PSD3: variants seen among roughly 807,000 people sequenced by gnomAD.
The protein encoded by PSD3 is pleckstrin and Sec7 domain containing 3, also known as PH and SEC7 domain-containing protein 3.
PSD3 carries 49 observed loss-of-function variants against 105.5 expected under a neutral mutation model. The ratio of observed to expected loss-of-function variants is 0.46; its 90% CI spans 0.37 to 0.59. The LOEUF (loss-of-function observed/expected upper bound fraction) is 0.59, where lower values mean the gene tolerates loss of function less well. Among genes scored for constraint, PSD3 ranks in the 20% least tolerant of loss-of-function variants. PSD3 has a pLI of 0.00. For missense variants in PSD3, 1,561 were observed against 1,263.8 expected, an observed-to-expected ratio of 1.24 and a Z score of -3.57; for synonymous variants, 557 against 457.8, an observed-to-expected ratio of 1.22 and a Z score of -2.77.
At chr8:18,721,381 T>A (rs1244431877) in intron 9 of PSD3, among the ~76,000 whole-genome samples, 2 of 152,116 alleles carry the variant, frequency 1.3e-5, no homozygotes, top group African/African-American at 2.4e-5. Flanking sequence ...ACTAACTGTA[T>A]CCCAAGTAAC....
chr8:19,049,418 A>T (rs1258286995), intron 1 of PSD3, among the ~76,000 whole-genome samples: 1 of 152,204 alleles, frequency 6.6e-6, no homozygotes, highest in Non-Finnish European at 1.5e-5. Context: ...TGCCAGGCAC[A>T]GTGGCCCACA....
At chr8:18,762,897 T>C (rs932734559) in intron 9 of PSD3, 4 of 1,258,824 alleles carry the variant, frequency 3.2e-6, no homozygotes, top group East Asian at 5.7e-5. Flanking sequence ...ATTTGGCTTA[T>C]ACTTTTATTT....
intron 7 of PSD3, among the ~76,000 whole-genome samples, chr8:18,799,875 G>C (rs570476102): frequency 9.0e-4 from 137 of 152,254 alleles, no homozygotes; most frequent in African/African-American, 3.2e-3. Flanking sequence ...AAGTACAGTA[G>C]ACAATAGCAG....
chr8:18,670,598 C>G (rs1653266917), intron 9 of PSD3, among the ~76,000 whole-genome samples: 1 of 152,050 alleles, frequency 6.6e-6, no homozygotes, highest in South Asian at 2.1e-4. Context: ...TCACATACCT[C>G]AAGCACAAAT....
intron 4 of PSD3, among the ~76,000 whole-genome samples, chr8:18,828,070 T>A (rs867710728): frequency 0.032 from 4,504 of 142,900 alleles, 76 homozygotes; most frequent in Admixed American, 0.05. Context: ...TATATATATT[T>A]TTTTTTTTTT....
chr8:18,552,167 G>A (rs1346804348), intron 15 of PSD3, among the ~76,000 whole-genome samples: 4 of 152,136 alleles, frequency 2.6e-5, no homozygotes, highest in Non-Finnish European at 5.9e-5. Flanking sequence ...TGACCTGAAA[G>A]CCAGCTATTA....
intron 8 of PSD3, among the ~76,000 whole-genome samples, chr8:18,791,307 C>T (rs1360271606): frequency 1.3e-5 from 2 of 152,086 alleles, no homozygotes; most frequent in African/African-American, 4.8e-5. Flanking sequence ...CTGGAGGCAT[C>T]GTGCTGTCTG....
At chr8:18,545,752 C>T (rs1025764972) in intron 15 of PSD3, among the ~76,000 whole-genome samples, 3 of 152,110 alleles carry the variant, frequency 2.0e-5, no homozygotes, top group Admixed American at 6.5e-5. Context: ...TGGAATTCCC[C>T]GAAGTCATAC....
intron 1 of PSD3, among the ~76,000 whole-genome samples, chr8:18,981,569 G>C (rs1377107474): frequency 6.6e-6 from 1 of 152,136 alleles, no homozygotes; most frequent in Non-Finnish European, 1.5e-5. Context: ...TGTATATACA[G>C]GCATACTCTG....
intron 9 of PSD3, chr8:18,733,292 A>G (rs1392621289): frequency 2.0e-5 from 3 of 152,242 alleles, no homozygotes; most frequent in Non-Finnish European, 2.9e-5. Flanking sequence ...TCATAATTGT[A>G]TAAGTTCAAT....
chr8:18,779,312 G>A (rs1198143036), intron 8 of PSD3, among the ~76,000 whole-genome samples: 1 of 151,344 alleles, frequency 6.6e-6, no homozygotes. Context: ...TTTTTGGTTG[G>A]GATTTTATTT....
chr8:18,885,665 T>C (rs1478006654), intron 2 of PSD3, among the ~76,000 whole-genome samples: 1 of 152,092 alleles, frequency 6.6e-6, no homozygotes, highest in Non-Finnish European at 1.5e-5. Flanking sequence ...CAGCCAGTAG[T>C]TTTCATGCTC....
chr8:18,732,692 T>C (rs1027551221), intron 9 of PSD3, among the ~76,000 whole-genome samples: 2 of 152,224 alleles, frequency 1.3e-5, no homozygotes, highest in Non-Finnish European at 2.9e-5. Flanking sequence ...CAGCACCACT[T>C]CTGCCACATT....
At chr8:18,679,414 G>C (rs1800258329) in intron 9 of PSD3, among the ~76,000 whole-genome samples, 1 of 152,202 alleles carries the variant, frequency 6.6e-6, no homozygotes, top group African/African-American at 2.4e-5. Flanking sequence ...TAGCAGAGCA[G>C]AGGTTTGGAG....
At chr8:18,538,917 G>C (rs1799987323) in intron 15 of PSD3, among the ~76,000 whole-genome samples, 1 of 152,152 alleles carries the variant, frequency 6.6e-6, no homozygotes, top group East Asian at 1.9e-4. Context: ...AGAAAAAAGG[G>C]GGTGAGAGGG....
chr8:18,815,600 T>C (rs1812150599), intron 4 of PSD3, among the ~76,000 whole-genome samples: 1 of 152,184 alleles, frequency 6.6e-6, no homozygotes, highest in South Asian at 2.1e-4. Flanking sequence ...AGGGAGCCAC[T>C]GCGTCCAGCC....
intron 1 of PSD3, among the ~76,000 whole-genome samples, chr8:19,048,103 G>T (rs532219395): frequency 1.3e-5 from 2 of 152,312 alleles, no homozygotes; most frequent in East Asian, 3.9e-4. Context: ...CAGTTTTCAA[G>T]TCATCCTCCT....
chr8:18,809,592 C>T (rs193099326), intron 4 of PSD3, among the ~76,000 whole-genome samples: 10 of 152,282 alleles, frequency 6.6e-5, no homozygotes, highest in Admixed American at 5.2e-4. Context: ...AAATATTATT[C>T]ATCGTTTTTC....
intron 2 of PSD3, among the ~76,000 whole-genome samples, chr8:18,876,232 T>C (rs1458002971): frequency 1.3e-5 from 2 of 152,196 alleles, no homozygotes; most frequent in African/African-American, 4.8e-5. Context: ...GGCTGAGAAC[T>C]TCATTCTTTA....
Sources: gnomAD v4.1 joint callset for allele counts (sites outside exome capture counted in the v4.1 genomes callset) on GRCh38, gnomAD v4.1.1 for gene constraint, MANE v1.5 for transcripts, NCBI Gene and HGNC (gene_info 2026-07-23, HGNC 2026-07-21) for gene names.